Variants in VWDE observed in about 807,000 individuals in gnomAD.
VWDE encodes the protein von Willebrand factor D and EGF domain-containing protein.
A neutral mutation model predicts 178.4 loss-of-function variants in VWDE; 207 were observed. The observed-to-expected ratio is 1.16, with a 90% CI of 1.04 to 1.30. The LOEUF (loss-of-function observed/expected upper bound fraction) is 1.30, where lower values mean the gene tolerates loss of function less well. VWDE is among the 50% of genes most tolerant of loss of function. VWDE has a pLI of 0.00. For missense variants in VWDE, 2,287 were observed against 1,901.3 expected (o/e 1.20, Z -3.77); for synonymous variants, 738 against 651.4 (o/e 1.13, Z -2.02).
chr7:12,386,271 G>T (rs1784095526), intron 3 of VWDE, among the ~76,000 whole-genome samples: 1 of 152,030 alleles, frequency 6.6e-6, no homozygotes, highest in African/African-American at 2.4e-5. Flanking sequence ...CAATGAGATT[G>T]ATGCATCTCT....
In VWDE at chr7:12,370,171, T is replaced by C; in HGVS notation, c.2135A>G (p.Gln712Arg). The change falls in exon 12 of 29, where the codon CAA becomes CGA. Residue 712 changes from glutamine (Q) to arginine (R), a missense_variant. Coordinates refer to ENST00000275358, the MANE Select transcript of VWDE (RefSeq NM_001135924.3). ...TTCTTTCTCATTTCCAGGATGTTTTTGTACATTTAAGCCGAGTTTAGTCAG... is the reference window on the plus strand; with the variant it reads ...TTCTTTCTCATTTCCAGGATGTTTTCGTACATTTAAGCCGAGTTTAGTCAG... Reference protein sequence around the residue: ...INLTKLGLNVQKHPGNEKEDS... With the variant: ...INLTKLGLNVRKHPGNEKEDS... The C allele has an allele frequency of 6.4e-7, 1 of 1,551,562 alleles. No individual in the cohort carries two copies.
In VWDE at chr7:12,367,409, C is replaced by T. The variant is rs1286488448; in HGVS notation, c.2846G>A (p.Gly949Asp). 6 of 1,546,572 alleles carry T rather than the reference C, an allele frequency of 3.9e-6. No individual in the cohort carries two copies. The highest frequency in any genetic ancestry group is 5.2e-6 in the Non-Finnish European group (6 of 1,144,472). ...TGAAGGTAATTCTTTGAAGCCTTTG[C>T]CAAAAACTCTCACCATCATACAATT... The part of the protein sequence containing the change: ...KYNCMMVRVF[G>D]KGFKELPSIK... The change falls in exon 13 of 29, where the codon GGC becomes GAC. Residue 949 changes from glycine to aspartate, a missense_variant. By Grantham distance (94) the Gly-to-Asp change is moderately conservative. Coordinates refer to ENST00000275358, the MANE Select transcript of VWDE (RefSeq NM_001135924.3).
chr7:12,349,960 C>G (rs1781839243), intron 19 of VWDE, among the ~76,000 whole-genome samples: 2 of 151,846 alleles, frequency 1.3e-5, no homozygotes, highest in South Asian at 4.2e-4. Context: ...GAAATTGACT[C>G]AAGAGGAGGC....
In VWDE at chr7:12,373,310, T is replaced by A. The variant is rs962516664; in HGVS notation, c.1317-63A>T. Reference sequence around the variant, plus strand: ...GTAAAATATCACAATAGTATGTTATTGATTTGCAACAGCTTTATGTATCAC... The same window carrying A: ...GTAAAATATCACAATAGTATGTTATAGATTTGCAACAGCTTTATGTATCAC... On this transcript the variant is annotated intron_variant, in intron 9 of 28. Coordinates refer to ENST00000275358, the MANE Select transcript of VWDE (RefSeq NM_001135924.3). 20 of 1,490,874 alleles carry A rather than the reference T, an allele frequency of 1.3e-5. No individual in the cohort carries two copies. In the African/African-American group the frequency reaches 2.2e-4, roughly 17 times the overall value. 92.4% of individuals were successfully genotyped at this position (1,490,874 alleles called of 1,614,324 possible).
chr7:12,389,461 T>C (rs1263992439), intron 2 of VWDE, 103 bp from the exon 3 acceptor site: 17 of 829,948 alleles, frequency 2.0e-5, no homozygotes, highest in Non-Finnish European at 3.2e-5. Context: ...AAAATATCAT[T>C]AATCATTAAA....
chr7:12,385,202 G>C (rs538373700), intron 3 of VWDE, among the ~76,000 whole-genome samples: 1 of 152,086 alleles, frequency 6.6e-6, no homozygotes, highest in South Asian at 2.1e-4. Flanking sequence ...GAATCAAAAC[G>C]TCTTCATGAG....
At position 12,343,099 on chromosome 7, in the gene VWDE, TC is replaced by T. The variant is rs1562465266; in HGVS notation, c.4157del (p.Gly1386AspfsTer84). 2 of 1,549,480 alleles carry T rather than the reference TC, an allele frequency of 1.3e-6. No individual in the cohort carries two copies. The highest frequency in any genetic ancestry group is 8.7e-7 in the Non-Finnish European group (1 of 1,145,494). Reference sequence around the variant, plus strand: ...TTTGCTTACTTGTTTCACACCTTGGTCCTACAAAACCATAAGGACAAGTGCA... The same window carrying T: ...TTTGCTTACTTGTTTCACACCTTGGTCTACAAAACCATAAGGACAAGTGCA... ...NLCTCPYGFV[G>X]PRCETMVCNR... On this transcript the variant is annotated frameshift_variant, in exon 22 of 29. Transcript: ENST00000275358. LOFTEE classifies it high-confidence loss of function.
intron 16 of VWDE, among the ~76,000 whole-genome samples, chr7:12,357,969 T>C (rs1310081775): frequency 6.6e-6 from 1 of 152,152 alleles, no homozygotes; most frequent in Non-Finnish European, 1.5e-5. Context: ...TTGGCTCCTT[T>C]GAACGTTTCT....
intron 21 of VWDE, among the ~76,000 whole-genome samples, chr7:12,343,451 C>G (rs890580940): frequency 1.3e-5 from 2 of 152,108 alleles, no homozygotes; most frequent in East Asian, 1.9e-4. Context: ...GAGATTTGAA[C>G]TTACTTATTC....
chr7:12,401,359 C>T (rs928050572), intron 1 of VWDE, among the ~76,000 whole-genome samples: 19 of 152,138 alleles, frequency 1.2e-4, no homozygotes, highest in African/African-American at 4.6e-4. Context: ...GGATTATTTC[C>T]ACGACCCACA....
At chr7:12,393,383 G>C (rs777456917) in intron 2 of VWDE, among the ~76,000 whole-genome samples, 7 of 152,018 alleles carry the variant, frequency 4.6e-5, no homozygotes, top group African/African-American at 7.2e-5. Context: ...AGATATTGTC[G>C]GTGAAAGTGT....
At chr7:12,343,851 G>T (rs544663916) in intron 21 of VWDE, among the ~76,000 whole-genome samples, 1 of 151,866 alleles carries the variant, frequency 6.6e-6, no homozygotes, top group Non-Finnish European at 1.5e-5. Context: ...CACTTTATTT[G>T]AACCATATTT....
intron 17 of VWDE, among the ~76,000 whole-genome samples, chr7:12,356,938 A>G (rs1782280370): frequency 6.6e-6 from 1 of 152,200 alleles, no homozygotes; most frequent in South Asian, 2.1e-4. Flanking sequence ...ACTTGATGGA[A>G]GAGGGTATAA....
At position 12,393,715 on chromosome 7, in the gene VWDE, T is replaced by C. The variant is rs768957812; in HGVS notation, c.122A>G (p.Asp41Gly). Reference sequence around the variant, plus strand: ...AGCTGACTGCTGGAGGTGCCATGAGTCAAAACGGACACTTCTATAAGGACT... The same window carrying C: ...AGCTGACTGCTGGAGGTGCCATGAGCCAAAACGGACACTTCTATAAGGACT... ...LRSPYRSVRF[D>G]SWHLQQSAVQ... is the part of the protein sequence containing the mutation. Residue 41 changes from aspartate (D) to glycine (G), a missense_variant, in exon 2 of 29, where the codon GAC becomes GGC. Transcript: ENST00000275358. 7.7e-6 allele frequency: 12 copies of C among 1,551,082 alleles called. 1 individual carries two copies. In the South Asian group the frequency reaches 1.4e-4, roughly 18 times the overall value.
rs1339951182 is a variant in VWDE at position 12,342,080 on chromosome 7, A to C, written c.4249T>G (p.Tyr1417Asp). ...PDICQCKPGW[Y>D]GPTCSTALCD... ...TTACCTGTACTACAGGTGGGTCCAT[A>C]CCAGCCAGGTTTGCACTGGCAAATA... The change falls in exon 23 of 29, where the codon TAT (tyrosine) becomes GAT (aspartate). Residue 1417 changes from tyrosine to aspartate, a missense_variant. Transcript: ENST00000275358. The C allele has an allele frequency of 1.3e-6, 2 of 1,551,320 alleles. No individual in the cohort carries two copies. Among genetic ancestry groups the C allele is most frequent in the Non-Finnish European group, 1.7e-6 (2 of 1,146,884 alleles).
chr7:12,340,201 G>A (rs761834114), intron 24 of VWDE, 121 bp downstream of exon 24: 10 of 721,962 alleles, frequency 1.4e-5, no homozygotes, highest in African/African-American at 3.6e-5. Context: ...TTGAAACATC[G>A]CAAGAATTCT....
chr7:12,364,721 T>A (rs1312478747), intron 13 of VWDE, among the ~76,000 whole-genome samples: 2 of 152,118 alleles, frequency 1.3e-5, no homozygotes, highest in Non-Finnish European at 2.9e-5. Context: ...ACCATAGTCA[T>A]AATTGCTACA....
chr7:12,345,037 G>A (rs756504346), intron 19 of VWDE, among the ~76,000 whole-genome samples: 3 of 152,008 alleles, frequency 2.0e-5, no homozygotes, highest in Non-Finnish European at 4.4e-5. Flanking sequence ...TCTGTATAAT[G>A]GGAAAAATAA....
At chr7:12,388,742 A>G (rs904403013) in intron 3 of VWDE, 31 of 334,204 alleles carry the variant, frequency 9.3e-5, no homozygotes, top group African/African-American at 6.3e-4. Context: ...TAAACATTCA[A>G]TAAATATTGG....
Sources: gnomAD v4.1 joint callset for allele counts (sites outside exome capture counted in the v4.1 genomes callset) on GRCh38, gnomAD v4.1.1 for gene constraint, MANE v1.5 for transcripts, NCBI Gene and HGNC (gene_info 2026-07-23, HGNC 2026-07-21) for gene names.